Variants in ZNF385D observed in about 807,000 individuals in gnomAD.
ZNF385D encodes the protein zinc finger protein 385D, also known as zinc finger protein 659.
Under a neutral mutation model 35.8 loss-of-function variants are expected in ZNF385D, and 15 were observed. The ratio of observed to expected loss-of-function variants is 0.42; its 90% CI spans 0.28 to 0.64. ZNF385D has a LOEUF of 0.64. ZNF385D is among the 30% of genes least tolerant of loss of function. The pLI, the probability that ZNF385D is intolerant of heterozygous loss-of-function variation, is 0.23. For synonymous variants in ZNF385D, 212 were observed against 186.8 expected, an observed-to-expected ratio of 1.13 and a Z score of -1.10; for missense variants, 474 against 494.6, an observed-to-expected ratio of 0.96 and a Z score of 0.39.
intron 2 of ZNF385D, among the ~76,000 whole-genome samples, chr3:22,257,343 A>G (rs1700367343): frequency 6.6e-6 from 1 of 151,714 alleles, no homozygotes; most frequent in South Asian, 2.1e-4. Context: ...ACCATCAAGC[A>G]TTATCACTTC....
chr3:21,598,812 C>G (rs1035536398), intron 2 of ZNF385D, among the ~76,000 whole-genome samples: 4 of 152,166 alleles, frequency 2.6e-5, no homozygotes, highest in African/African-American at 9.7e-5. Flanking sequence ...CATGACCTCT[C>G]AGGTAATTAC....
intron 3 of ZNF385D, among the ~76,000 whole-genome samples, chr3:21,960,946 T>G (rs1379264951): frequency 6.6e-6 from 1 of 152,256 alleles, no homozygotes; most frequent in East Asian, 1.9e-4. Flanking sequence ...AGGAAGATGT[T>G]GTTTAAAAGA....
chr3:22,059,860 G>C (rs1384064352), intron 3 of ZNF385D, among the ~76,000 whole-genome samples: 1 of 152,158 alleles, frequency 6.6e-6, no homozygotes, highest in African/African-American at 2.4e-5. Flanking sequence ...GTTTCTGGAA[G>C]ATTAGCATTT....
At chr3:21,622,904 T>G (rs975552836) in intron 2 of ZNF385D, among the ~76,000 whole-genome samples, 1 of 152,098 alleles carries the variant, frequency 6.6e-6, no homozygotes, top group Non-Finnish European at 1.5e-5. Flanking sequence ...AGAATCACAT[T>G]TCTATATAGC....
chr3:21,678,435 C>T (rs1314741210), intron 1 of ZNF385D, among the ~76,000 whole-genome samples: 3 of 152,068 alleles, frequency 2.0e-5, no homozygotes, highest in South Asian at 4.1e-4. Flanking sequence ...CACAGCTATT[C>T]TTCTTTATTG....
intron 2 of ZNF385D, among the ~76,000 whole-genome samples, chr3:22,282,350 T>C (rs549363928): frequency 1.4e-4 from 21 of 152,228 alleles, no homozygotes; most frequent in African/African-American, 4.8e-4. Context: ...CTTTCAGACT[T>C]TTTGATGTAA....
intron 3 of ZNF385D, among the ~76,000 whole-genome samples, chr3:21,975,672 C>T (rs1277283505): frequency 1.4e-5 from 2 of 143,402 alleles, no homozygotes; most frequent in African/African-American, 5.1e-5. Context: ...TATGAACCCA[C>T]AAAAATATAT....
chr3:22,303,228 A>G (rs79309506), intron 2 of ZNF385D, among the ~76,000 whole-genome samples: 1,573 of 152,262 alleles, frequency 0.01, 26 homozygotes, highest in African/African-American at 0.035. Context: ...GTGTTTTAGT[A>G]GAGTGGCTTA....
At chr3:22,338,158 A>G (rs534702073) in intron 2 of ZNF385D, among the ~76,000 whole-genome samples, 2 of 152,350 alleles carry the variant, frequency 1.3e-5, no homozygotes, top group South Asian at 4.1e-4. Flanking sequence ...GTGACTATTA[A>G]TAGTAAAGAG....
chr3:21,780,308 A>C (rs1346965721), intron 3 of ZNF385D, among the ~76,000 whole-genome samples: 1 of 151,964 alleles, frequency 6.6e-6, no homozygotes, highest in Non-Finnish European at 1.5e-5. Flanking sequence ...TCATGGCCAA[A>C]GTGAATACTA....
chr3:21,929,574 T>C (rs1303727030), intron 3 of ZNF385D, among the ~76,000 whole-genome samples: 2 of 151,934 alleles, frequency 1.3e-5, no homozygotes, highest in Non-Finnish European at 2.9e-5. Context: ...CCCACAAAAA[T>C]GCTACTAGAA....
At chr3:22,261,052 C>T (rs1264594954) in intron 2 of ZNF385D, among the ~76,000 whole-genome samples, 1 of 151,862 alleles carries the variant, frequency 6.6e-6, no homozygotes, top group Non-Finnish European at 1.5e-5. Context: ...TAGAAATGAA[C>T]TGAAATTAAT....
chr3:22,146,752 A>G (rs1451973688), intron 3 of ZNF385D, among the ~76,000 whole-genome samples: 1 of 152,150 alleles, frequency 6.6e-6, no homozygotes, highest in East Asian at 1.9e-4. Flanking sequence ...AAAATTCATT[A>G]ATCAATAGAA....
chr3:21,936,891 G>C (rs959007249), intron 3 of ZNF385D, among the ~76,000 whole-genome samples: 4 of 152,136 alleles, frequency 2.6e-5, no homozygotes, highest in Non-Finnish European at 4.4e-5. Context: ...TTGTAACTAG[G>C]TTAGCAGTGA....
At chr3:21,825,898 C>A (rs890581088) in intron 3 of ZNF385D, among the ~76,000 whole-genome samples, 6 of 152,178 alleles carry the variant, frequency 3.9e-5, no homozygotes, top group Admixed American at 2.0e-4. Flanking sequence ...CCGCTCCTTT[C>A]CCACCAGCGG....
rs11380195 is a variant in ZNF385D, at chr3:22,019,034, C to CTTTTTTTTT, written c.325+149774_325+149782dup. ...CAGTTTCATGGATAGAGTTATTTAC[C>CTTTTTTTTT]TTTTTTTTTTTTTTTTTTTTTTTTT... is the stretch of plus-strand genomic sequence containing the variant. On this transcript the variant is annotated intron_variant, in intron 3 of 5. Coordinates refer to the ZNF385D transcript ENST00000494108. Among the ~76,000 whole-genome samples the CTTTTTTTTT allele has an allele frequency of 1.3e-3, 83 of 64,470 alleles. 9 individuals carry two copies. Among genetic ancestry groups the CTTTTTTTTT allele is most frequent in the African/African-American group, 2.1e-3 (28 of 13,374 alleles). The allele number at this position is 64,470 out of a possible 152,430, so 42.3% of individuals were successfully genotyped here.
At chr3:22,098,128 G>C (rs928376750) in intron 3 of ZNF385D, among the ~76,000 whole-genome samples, 1 of 151,972 alleles carries the variant, frequency 6.6e-6, no homozygotes, top group Non-Finnish European at 1.5e-5. Context: ...GACTGAAATA[G>C]AATTTTCTCC....
chr3:21,683,528 A>C (rs879433632), intron 1 of ZNF385D, among the ~76,000 whole-genome samples: 1 of 149,250 alleles, frequency 6.7e-6, no homozygotes, highest in African/African-American at 2.5e-5. Context: ...GAGGGAAGAG[A>C]ATTGCTTGAA....
intron 2 of ZNF385D, among the ~76,000 whole-genome samples, chr3:22,278,861 G>T (rs914089178): frequency 6.6e-6 from 1 of 152,062 alleles, no homozygotes; most frequent in Non-Finnish European, 1.5e-5. Flanking sequence ...AGCCTTGCAG[G>T]TATGGGAAAT....
Sources: gnomAD v4.1 joint callset for allele counts (sites outside exome capture counted in the v4.1 genomes callset) on GRCh38, gnomAD v4.1.1 for gene constraint, MANE v1.5 for transcripts, NCBI Gene and HGNC (gene_info 2026-07-23, HGNC 2026-07-21) for gene names.